The following XKR9 variants were observed in gnomAD, a reference collection of about 807,000 sequenced individuals.
XKR9 encodes XK related 9.
XKR9 carries 32 observed loss-of-function variants against 32.0 expected under a neutral mutation model. The ratio of observed to expected loss-of-function variants is 1.00; its 90% CI spans 0.76 to 1.34. The LOEUF (loss-of-function observed/expected upper bound fraction) is 1.34. Among genes scored for constraint, XKR9 ranks in the 40% most tolerant of loss-of-function variants. The probability of loss-of-function intolerance (pLI) is 0.00; values close to 1 mark genes in which losing one functional copy is unlikely to be tolerated. For missense variants in XKR9, 546 were observed against 429.7 expected (o/e 1.27, Z -2.39); for synonymous variants, 168 against 143.4 (o/e 1.17, Z -1.22).
downstream of XKR9, among the ~76,000 whole-genome samples, chr8:70,737,030 T>A (rs1806875861): frequency 1.3e-5 from 2 of 152,192 alleles, no homozygotes; most frequent in African/African-American, 4.8e-5. Flanking sequence ...TTTATGGGGA[T>A]GACATTGAAT....
At chr8:71,024,355 G>A in the XKR9 span, among the ~76,000 whole-genome samples, 3 of 152,226 alleles carry the variant, frequency 2.0e-5, no homozygotes, top group South Asian at 4.2e-4. Flanking sequence ...TGTGGACCAG[G>A]GTGCTGGGGA....
chr8:70,821,416 A>G, the XKR9 span, among the ~76,000 whole-genome samples: 1 of 152,156 alleles, frequency 6.6e-6, no homozygotes, highest in African/African-American at 2.4e-5. Context: ...TGGATCTACA[A>G]TTCTGGTGTC....
chr8:70,759,641 G>A (rs1807280461), intron 2 of XKR9, among the ~76,000 whole-genome samples: 1 of 151,950 alleles, frequency 6.6e-6, no homozygotes, highest in Non-Finnish European at 1.5e-5. Context: ...TTTGACTATT[G>A]TCATTGTGTA....
chr8:70,724,549 G>A (rs888144687), intron 4 of XKR9, among the ~76,000 whole-genome samples: 21 of 152,074 alleles, frequency 1.4e-4, no homozygotes, highest in African/African-American at 4.8e-4. Context: ...CCTGGTCTAC[G>A]GGTTGCAAAA....
chr8:70,997,459 C>T, the XKR9 span, among the ~76,000 whole-genome samples: 1 of 152,158 alleles, frequency 6.6e-6, no homozygotes, highest in African/African-American at 2.4e-5. Context: ...TAATGGCATT[C>T]ACAGCAACCT....
intron 2 of XKR9, among the ~76,000 whole-genome samples, chr8:70,741,378 C>G (rs1439333005): frequency 1.3e-5 from 2 of 152,210 alleles, no homozygotes; most frequent in African/African-American, 4.8e-5. Context: ...GTGCTATGCT[C>G]TTGGCCTTCC....
At chr8:71,006,398 T>A in the XKR9 span, among the ~76,000 whole-genome samples, 4 of 152,196 alleles carry the variant, frequency 2.6e-5, no homozygotes, top group Non-Finnish European at 5.9e-5. Flanking sequence ...CCCAAGACAA[T>A]CCTTCCAATG....
the XKR9 span, among the ~76,000 whole-genome samples, chr8:70,801,269 A>G: frequency 6.6e-6 from 1 of 151,718 alleles, no homozygotes; most frequent in African/African-American, 2.4e-5. Context: ...GTTAATTTGA[A>G]GTTTTCATAA....
intron 2 of XKR9, among the ~76,000 whole-genome samples, chr8:70,675,829 A>G (rs1818865532): frequency 6.6e-6 from 1 of 152,166 alleles, no homozygotes; most frequent in East Asian, 1.9e-4. Flanking sequence ...CACAACCTTT[A>G]AGAAGCTCCA....
intron 2 of XKR9, among the ~76,000 whole-genome samples, chr8:70,743,765 T>G (rs1184657080): frequency 1.3e-5 from 2 of 152,186 alleles, no homozygotes; most frequent in Non-Finnish European, 1.5e-5. Context: ...TACTCTGTTC[T>G]CTGGGCCTTA....
chr8:70,867,846 C>G, the XKR9 span, among the ~76,000 whole-genome samples: 2 of 152,184 alleles, frequency 1.3e-5, no homozygotes, highest in South Asian at 4.1e-4. Flanking sequence ...TGCCTATGAG[C>G]TTCTAAAATC....
the XKR9 span, among the ~76,000 whole-genome samples, chr8:70,895,294 G>T: frequency 6.6e-6 from 1 of 152,044 alleles, no homozygotes; most frequent in Non-Finnish European, 1.5e-5. Flanking sequence ...CAGGGTTTTT[G>T]TTATGCCTCA....
chr8:70,924,611 C>T, the XKR9 span, among the ~76,000 whole-genome samples: 1 of 152,182 alleles, frequency 6.6e-6, no homozygotes, highest in Non-Finnish European at 1.5e-5. Flanking sequence ...TCTTTCCTTT[C>T]TCCACGTGGC....
intron 1 of XKR9, among the ~76,000 whole-genome samples, chr8:70,672,073 G>C (rs1453600109): frequency 3.7e-5 from 2 of 53,974 alleles, no homozygotes; most frequent in East Asian, 5.2e-4. Context: ...TAAAAGAGGA[G>C]ACAAACAAAT....
At chr8:70,707,397 G>T (rs932211119) in intron 4 of XKR9, among the ~76,000 whole-genome samples, 1 of 151,928 alleles carries the variant, frequency 6.6e-6, no homozygotes, top group African/African-American at 2.4e-5. Context: ...GTTTTTAAAA[G>T]CATATGTCCT....
At chr8:70,716,433 T>TG (rs66508542) in intron 4 of XKR9, among the ~76,000 whole-genome samples, 6 of 151,514 alleles carry the variant, frequency 4.0e-5, no homozygotes, top group Non-Finnish European at 8.9e-5. Context: ...AGGGCTGCGG[T>TG]GGGGGGCCTT....
the XKR9 span, among the ~76,000 whole-genome samples, chr8:70,799,000 TA>T: frequency 1.3e-4 from 20 of 152,228 alleles, no homozygotes; most frequent in Non-Finnish European, 1.5e-4. Context: ...TCAGCTTTGC[TA>T]TTTTTGCTTA....
chr8:70,834,683 C>T, the XKR9 span, among the ~76,000 whole-genome samples: 1 of 152,066 alleles, frequency 6.6e-6, no homozygotes, highest in Non-Finnish European at 1.5e-5. Flanking sequence ...TGCGTATATT[C>T]GTTTAACAAT....
chr8:70,831,807 A>G, the XKR9 span, among the ~76,000 whole-genome samples: 1 of 152,212 alleles, frequency 6.6e-6, no homozygotes. Context: ...GAACAAACTC[A>G]GGTTATCTAA....
Sources: gnomAD v4.1 joint callset for allele counts (sites outside exome capture counted in the v4.1 genomes callset) on GRCh38, gnomAD v4.1.1 for gene constraint, MANE v1.5 for transcripts, NCBI Gene and HGNC (gene_info 2026-07-23, HGNC 2026-07-21) for gene names.